The following IGSF11 variants were observed in gnomAD, a reference collection of about 807,000 sequenced individuals.
IGSF11 encodes the protein CXADR like 1.
In IGSF11, 22 loss-of-function variants were observed where a neutral mutation model predicts 41.0. The ratio of observed to expected loss-of-function variants is 0.54; its 90% CI spans 0.38 to 0.77. The LOEUF is 0.77. Among genes scored for constraint, IGSF11 ranks in the 30% least tolerant of loss-of-function variants. IGSF11 has a pLI of 0.00. For synonymous variants in IGSF11, 219 were observed against 201.3 expected, an observed-to-expected ratio of 1.09 and a Z score of -0.74; for missense variants, 444 against 530.8, an observed-to-expected ratio of 0.84 and a Z score of 1.61.
intron 1 of IGSF11, 79 bp from the exon 2 acceptor site, chr3:118,930,354 T>C: frequency 1.5e-6 from 2 of 1,375,544 alleles, no homozygotes; most frequent in South Asian, 3.0e-5. Context: ...TTTGCGTGTT[T>C]TATGTTATCA....
chr3:119,120,758 G>C (rs2077321909), intron 1 of IGSF11, among the ~76,000 whole-genome samples: 1 of 152,206 alleles, frequency 6.6e-6, no homozygotes, highest in Admixed American at 6.5e-5. Flanking sequence ...TGGTGACAAG[G>C]AAAAGAGGGC....
chr3:119,058,059 T>C (rs1017694391), intron 1 of IGSF11, among the ~76,000 whole-genome samples: 2 of 152,112 alleles, frequency 1.3e-5, no homozygotes, highest in Non-Finnish European at 2.9e-5. Flanking sequence ...GGACATATGC[T>C]TGGGCAAGGA....
chr3:119,046,997 C>T (rs1422633320), intron 1 of IGSF11, among the ~76,000 whole-genome samples: 117 of 143,122 alleles, frequency 8.2e-4, no homozygotes, highest in Non-Finnish European at 2.3e-4. Context: ...CCGAAGGAAG[C>T]GCTAAACATG....
intron 1 of IGSF11, among the ~76,000 whole-genome samples, chr3:119,049,798 G>C (rs1203467482): frequency 6.6e-6 from 1 of 150,458 alleles, no homozygotes; most frequent in Non-Finnish European, 1.5e-5. Flanking sequence ...TACCAAAACA[G>C]AGATGTAGAT....
At chr3:118,985,516 C>T (rs1935164959) in intron 1 of IGSF11, among the ~76,000 whole-genome samples, 2 of 152,158 alleles carry the variant, frequency 1.3e-5, no homozygotes, top group Admixed American at 1.3e-4. Flanking sequence ...AACTGGCTGC[C>T]GGTCTTCCCT....
chr3:118,904,761 A>T lies in IGSF11; in HGVS notation c.741T>A (p.Ile247=). The T allele has an allele frequency of 6.2e-7, 1 of 1,613,494 alleles. No individual in the cohort carries two copies. The highest frequency in any genetic ancestry group is 8.5e-7 in the Non-Finnish European group (1 of 1,179,688). Residue 247 remains isoleucine, a synonymous_variant, in exon 6 of 7, where the codon ATT becomes ATA. Coordinates refer to ENST00000393775, the MANE Select transcript of IGSF11 (RefSeq NM_001015887.3). ...AAATGATAATAACTGCACCAGTGCC[A>T]ATGGCTCCAGCTATTAGTCCAATGT... ...PRNIGLIAGA[I]GTGAVIIIFC...
At chr3:119,018,125 T>A (rs914873860) in intron 1 of IGSF11, among the ~76,000 whole-genome samples, 3 of 152,174 alleles carry the variant, frequency 2.0e-5, no homozygotes, top group African/African-American at 7.2e-5. Context: ...CACATTTATT[T>A]GATACAAATT....
rs1296991177 is a variant in IGSF11, at chr3:119,058,212, G to A, written c.49+46932C>T. Among the ~76,000 whole-genome samples, 9 of 152,070 alleles carry A rather than the reference G, an allele frequency of 5.9e-5. No individual in the cohort carries two copies. The East Asian group carries it at 1.7e-3, about 29-fold the overall frequency. Reference sequence around the variant, plus strand: ...ACCTACAAAATGGGAGAAAATTTTTGCAACCTACTCATCTGACAAAGGGCT... The same window carrying A: ...ACCTACAAAATGGGAGAAAATTTTTACAACCTACTCATCTGACAAAGGGCT... On this transcript the variant is annotated intron_variant, in intron 1 of 6. Transcript: ENST00000354673.
intron 1 of IGSF11, among the ~76,000 whole-genome samples, chr3:119,086,394 G>A (rs984313778): frequency 6.6e-6 from 1 of 151,938 alleles, no homozygotes; most frequent in African/African-American, 2.4e-5. Flanking sequence ...GAAAAACGTG[G>A]CCAGACACTA....
intron 1 of IGSF11, among the ~76,000 whole-genome samples, chr3:119,101,080 A>G (rs1367784213): frequency 3.3e-5 from 5 of 152,222 alleles, no homozygotes; most frequent in African/African-American, 1.2e-4. Flanking sequence ...AATCTGACTG[A>G]TAATACTTCC....
At chr3:119,069,004 G>A (rs1475596687) in intron 1 of IGSF11, among the ~76,000 whole-genome samples, 2 of 141,874 alleles carry the variant, frequency 1.4e-5, no homozygotes, top group Non-Finnish European at 3.0e-5. Flanking sequence ...TCAGCTCACT[G>A]CAAGCTCCGC....
intron 2 of IGSF11, among the ~76,000 whole-genome samples, chr3:118,929,692 T>C (rs76776299): frequency 0.025 from 3,746 of 152,310 alleles, 84 homozygotes; most frequent in East Asian, 0.066. Context: ...CTCACTAACA[T>C]GGCTAGTCAT....
chr3:118,926,471 G>T (rs1231329078), intron 3 of IGSF11, among the ~76,000 whole-genome samples: 1 of 152,118 alleles, frequency 6.6e-6, no homozygotes, highest in Admixed American at 6.6e-5. Flanking sequence ...TAAGCAGGGG[G>T]CAAATATGTA....
At chr3:119,025,247 C>A (rs1939707781) in intron 1 of IGSF11, among the ~76,000 whole-genome samples, 8 of 152,084 alleles carry the variant, frequency 5.3e-5, no homozygotes, top group Admixed American at 5.2e-4. Context: ...ATACTGGAAA[C>A]CATGTCAAAG....
intron 1 of IGSF11, among the ~76,000 whole-genome samples, chr3:118,997,138 G>A (rs1321825234): frequency 6.6e-6 from 1 of 151,930 alleles, no homozygotes; most frequent in Non-Finnish European, 1.5e-5. Flanking sequence ...GGACTAAACA[G>A]TAATAGGATC....
At chr3:118,924,834 T>G (rs866512490) in intron 4 of IGSF11, among the ~76,000 whole-genome samples, 12 of 152,238 alleles carry the variant, frequency 7.9e-5, no homozygotes, top group South Asian at 4.1e-4. Flanking sequence ...GATACCCCTT[T>G]ATTTTTGTTT....
At chr3:118,935,452 A>T (rs1459721708) in intron 1 of IGSF11, among the ~76,000 whole-genome samples, 1 of 148,840 alleles carries the variant, frequency 6.7e-6, no homozygotes, top group Non-Finnish European at 1.5e-5. Flanking sequence ...GTGTGTGTGT[A>T]CATATATATA....
At chr3:118,998,141 C>A (rs952778946) in intron 1 of IGSF11, among the ~76,000 whole-genome samples, 2 of 151,922 alleles carry the variant, frequency 1.3e-5, no homozygotes, top group Non-Finnish European at 1.5e-5. Flanking sequence ...CCTACATATC[C>A]AGGGAATGTG....
At chr3:119,131,411 A>C (rs1482734374) in intron 1 of IGSF11, among the ~76,000 whole-genome samples, 1 of 152,208 alleles carries the variant, frequency 6.6e-6, no homozygotes, top group Non-Finnish European at 1.5e-5. Flanking sequence ...ATGCGTACAC[A>C]AGCTTCACAG....
Sources: gnomAD v4.1 joint callset for allele counts (sites outside exome capture counted in the v4.1 genomes callset) on GRCh38, gnomAD v4.1.1 for gene constraint, MANE v1.5 for transcripts, NCBI Gene and HGNC (gene_info 2026-07-23, HGNC 2026-07-21) for gene names.